CAAP1: variants seen among roughly 807,000 people sequenced by gnomAD.
CAAP1 encodes caspase activity and apoptosis inhibitor 1.
In CAAP1, 20 loss-of-function variants were observed where a neutral mutation model predicts 34.0. That is an observed-to-expected ratio of 0.59 (90% CI 0.41 to 0.86). The LOEUF is 0.86. Ranked by LOEUF, CAAP1 falls within the 40% of genes least tolerant of loss-of-function variation. CAAP1 has a pLI of 0.00. For missense variants in CAAP1, 538 were observed against 450.5 expected, an observed-to-expected ratio of 1.19 and a Z score of -1.76; for synonymous variants, 213 against 166.7, an observed-to-expected ratio of 1.28 and a Z score of -2.14.
At chr9:26,883,727 T>G (rs973843907) in intron 4 of CAAP1, among the ~76,000 whole-genome samples, 2 of 152,086 alleles carry the variant, frequency 1.3e-5, no homozygotes, top group African/African-American at 2.4e-5. Flanking sequence ...GCAAAGAAAT[T>G]TTTTAAAAAA....
At chr9:26,881,222 A>C (rs918926780) in intron 4 of CAAP1, among the ~76,000 whole-genome samples, 4 of 152,120 alleles carry the variant, frequency 2.6e-5, no homozygotes, top group Non-Finnish European at 4.4e-5. Flanking sequence ...GATCCTCTCA[A>C]CCTGTACTCA....
rs888421261 is a variant in CAAP1 at position 26,886,119 on chromosome 9, A to G, written c.574T>C (p.Leu192=). Residue 192 remains leucine (L), a synonymous_variant, in exon 3 of 6, where the codon TTG becomes CTG. Transcript: ENST00000333916. Reference sequence around the variant, plus strand: ...GTATTCTTACCCTCAAGAATCTTCAAAATTTTTTTTTCAGACAGGAGCTCT... The same window carrying G: ...GTATTCTTACCCTCAAGAATCTTCAGAATTTTTTTTTCAGACAGGAGCTCT... The part of the protein sequence containing the change: ...QLELLSEKKI[L]KILEGDNGMD... The G allele has an allele frequency of 1.3e-6, 2 of 1,552,460 alleles. No homozygotes were observed. The highest frequency in any genetic ancestry group is 2.8e-5 in the African/African-American group (2 of 72,010).
intron 4 of CAAP1, among the ~76,000 whole-genome samples, chr9:26,879,466 A>G (rs1823529933): frequency 6.6e-6 from 1 of 152,180 alleles, no homozygotes; most frequent in South Asian, 2.1e-4. Flanking sequence ...TTTTTTCACT[A>G]ACAATCATAT....
At chr9:26,882,279 T>G (rs900787603) in intron 4 of CAAP1, among the ~76,000 whole-genome samples, 1 of 152,178 alleles carries the variant, frequency 6.6e-6, no homozygotes, top group African/African-American at 2.4e-5. Flanking sequence ...GAGGTCTTCA[T>G]GGCAGTCCCT....
chr9:26,842,838 A>G (rs1389046672), intron 5 of CAAP1, among the ~76,000 whole-genome samples, 191 bp from the exon 6 acceptor site: 1 of 152,214 alleles, frequency 6.6e-6, no homozygotes. Flanking sequence ...TGTAATGTAA[A>G]TTCAAATGTA....
At chr9:26,851,100 G>C (rs1016813002) in intron 5 of CAAP1, among the ~76,000 whole-genome samples, 1 of 152,210 alleles carries the variant, frequency 6.6e-6, no homozygotes, top group Non-Finnish European at 1.5e-5. Flanking sequence ...AAAGGCCTTA[G>C]AAGTAGGTGA....
chr9:26,872,054 C>G (rs1823290401), intron 4 of CAAP1, among the ~76,000 whole-genome samples: 2 of 152,124 alleles, frequency 1.3e-5, no homozygotes, highest in African/African-American at 4.8e-5. Flanking sequence ...TAACAAACAG[C>G]AAGAGTTCTA....
chr9:26,886,903 G>C (rs1193004809), intron 2 of CAAP1, among the ~76,000 whole-genome samples: 1 of 152,116 alleles, frequency 6.6e-6, no homozygotes, highest in Admixed American at 6.6e-5. Context: ...GCTTATTTTA[G>C]ATGTAAACAT....
rs1822466046 is a variant in CAAP1, at chr9:26,841,053, C to T, written c.*1248G>A. 1 of 152,134 alleles carries T rather than the reference C, an allele frequency of 6.6e-6. No individual in the cohort carries two copies. The highest frequency in any genetic ancestry group is 2.1e-4 in the South Asian group (1 of 4,826). 9.4% of individuals were successfully genotyped at this position (152,134 alleles called of 1,614,324 possible). Reference sequence around the variant, plus strand: ...CAACAACAAAAAGAATTTGTAACTGCAATTCCAGCGTTTCATAAATGTCCT... The same window carrying T: ...CAACAACAAAAAGAATTTGTAACTGTAATTCCAGCGTTTCATAAATGTCCT... On this transcript the variant is annotated 3_prime_UTR_variant, in exon 6 of 6. Coordinates refer to ENST00000333916, the MANE Select transcript of CAAP1 (RefSeq NM_024828.4).
chr9:26,852,902 C>T (rs1339723743), intron 5 of CAAP1, among the ~76,000 whole-genome samples: 2 of 152,014 alleles, frequency 1.3e-5, no homozygotes, highest in South Asian at 2.1e-4. Flanking sequence ...GAGGAGGAAG[C>T]GGGCAGGCAG....
intron 4 of CAAP1, among the ~76,000 whole-genome samples, chr9:26,876,123 G>T (rs992760687): frequency 2.0e-5 from 3 of 152,100 alleles, no homozygotes; most frequent in African/African-American, 7.2e-5. Flanking sequence ...GAGGATCCAG[G>T]GAAAAATCTA....
intron 5 of CAAP1, 102 bp downstream of exon 5, chr9:26,860,964 A>C (rs550116453): frequency 1.2e-6 from 1 of 805,250 alleles, no homozygotes; most frequent in Non-Finnish European, 2.2e-6. Context: ...CTCTTCCTCT[A>C]TCTGTAAAAT....
At chr9:26,859,086 G>A (rs1343357817) in intron 5 of CAAP1, among the ~76,000 whole-genome samples, 1 of 151,416 alleles carries the variant, frequency 6.6e-6, no homozygotes, top group Non-Finnish European at 1.5e-5. Context: ...ATTGTACAAT[G>A]GTACTGCTAC....
At chr9:26,846,785 T>G (rs1264939309) in intron 5 of CAAP1, among the ~76,000 whole-genome samples, 1 of 152,032 alleles carries the variant, frequency 6.6e-6, no homozygotes, top group Non-Finnish European at 1.5e-5. Context: ...CCTCCCAGGT[T>G]CAAGCAATTC....
rs765950878 is a variant in CAAP1 at position 26,892,758 on chromosome 9, G to C, written c.-43C>G. The C allele has an allele frequency of 6.5e-7, 1 of 1,529,362 alleles. No individual in the cohort carries two copies. Among genetic ancestry groups the C allele is most frequent in the East Asian group, 2.3e-5 (1 of 44,086 alleles). 94.7% of individuals were successfully genotyped at this position (1,529,362 alleles called of 1,614,324 possible). On this transcript the variant is annotated 5_prime_UTR_variant, in exon 1 of 6. Coordinates refer to ENST00000333916, the MANE Select transcript of CAAP1 (RefSeq NM_024828.4). ...CATCGGAGGAAAGTCCGCTGTCTCT[G>C]GTGCGACCGAAGCCCGACTCCTGCG...
Position 26,841,498 on chromosome 9 carries a change from T to C in CAAP1, c.*803A>G, listed in dbSNP as rs977801766. 6.6e-6 allele frequency: 1 copy of C among 152,604 alleles called. No homozygotes were observed. The highest frequency in any genetic ancestry group is 1.5e-5 in the Non-Finnish European group (1 of 68,000). 9.5% of individuals were successfully genotyped at this position (152,604 alleles called of 1,614,324 possible). A position where few individuals can be genotyped will look rare whatever the true frequency, so the allele number is the denominator to read the frequency against. On this transcript the variant is annotated 3_prime_UTR_variant, in exon 6 of 6. Transcript: ENST00000333916. Reference sequence around the variant, plus strand: ...CAGATCCAGAATGATAGCATTTTATTATTTCTGATTCATGGAATTATAGCA... The same window carrying C: ...CAGATCCAGAATGATAGCATTTTATCATTTCTGATTCATGGAATTATAGCA...
intron 5 of CAAP1, among the ~76,000 whole-genome samples, chr9:26,849,412 G>T (rs749633655): frequency 6.6e-6 from 1 of 152,100 alleles, no homozygotes; most frequent in East Asian, 1.9e-4. Flanking sequence ...GGAATATATC[G>T]TATCTTCTTG....
In CAAP1 at chr9:26,892,689, C is replaced by A. The variant is rs527584264; in HGVS notation, c.27G>T (p.Glu9Asp). 6 of 1,602,368 alleles carry A rather than the reference C, an allele frequency of 3.7e-6. No individual in the cohort carries two copies. The Admixed American group carries it at 1.0e-4, about 27-fold the overall frequency. The stretch of plus-strand genomic sequence containing the variant: ...CCTGACTGCTACGTTTGCGCCGTTT[C>A]TCCCGGGAGGACTTTTTCCCCGTCA... MTGKKSSR[E>D]KRRKRSSQEA... Residue 9 changes from glutamate (E) to aspartate (D), a missense_variant, in exon 1 of 6, where the codon GAG becomes GAT. Coordinates refer to ENST00000333916, the MANE Select transcript of CAAP1 (RefSeq NM_024828.4).
At chr9:26,883,701 C>T (rs114015141) in intron 4 of CAAP1, among the ~76,000 whole-genome samples, 3,111 of 152,122 alleles carry the variant, frequency 0.02, 101 homozygotes, top group African/African-American at 0.071. Flanking sequence ...AAATGTTGAT[C>T]AACGTGGGGA....
Sources: allele counts gnomAD v4.1 joint callset (sites outside exome capture counted in the v4.1 genomes callset), GRCh38; gene constraint gnomAD v4.1.1; transcripts MANE v1.5; gene names NCBI Gene and HGNC (gene_info 2026-07-23, HGNC 2026-07-21).